The following RERE variants were observed in gnomAD, a reference collection of about 807,000 sequenced individuals.
The protein encoded by RERE is arginine-glutamic acid dipeptide repeats protein.
A neutral mutation model predicts 146.1 loss-of-function variants in RERE; 40 were observed. That is an observed-to-expected ratio of 0.27 (90% CI 0.21 to 0.36). The LOEUF is 0.36. RERE is among the 10% of genes least tolerant of loss of function. The probability of loss-of-function intolerance (pLI) is 1.00; values close to 1 mark genes in which losing one functional copy is unlikely to be tolerated. For missense variants in RERE, 1,933 were observed against 2,138.7 expected (o/e 0.90, Z 1.90); for synonymous variants, 1,003 against 866.0 (o/e 1.16, Z -2.78).
chr1:8,581,452 G>A (rs1456785958), intron 4 of RERE, among the ~76,000 whole-genome samples: 2 of 152,144 alleles, frequency 1.3e-5, no homozygotes, highest in African/African-American at 2.4e-5. Flanking sequence ...TCATAACAAT[G>A]TCTTTTGATG....
At chr1:8,458,438 C>T (rs565206663) in intron 11 of RERE, among the ~76,000 whole-genome samples, 3 of 152,168 alleles carry the variant, frequency 2.0e-5, no homozygotes, top group Non-Finnish European at 2.9e-5. Context: ...AAAAATATAC[C>T]GTCAAAAGTA....
intron 1 of RERE, among the ~76,000 whole-genome samples, chr1:8,768,363 A>C (rs1640886225): frequency 6.6e-6 from 1 of 152,240 alleles, no homozygotes; most frequent in Non-Finnish European, 1.5e-5. Context: ...AGATAATGAA[A>C]GTATCATTCA....
At chr1:8,595,788 A>T (rs980969062) in intron 4 of RERE, among the ~76,000 whole-genome samples, 5 of 152,240 alleles carry the variant, frequency 3.3e-5, no homozygotes, top group Admixed American at 3.3e-4. Flanking sequence ...ATTGGTAGAG[A>T]TATAGATATA....
intron 12 of RERE, among the ~76,000 whole-genome samples, chr1:8,415,970 T>C (rs1252020119): frequency 6.6e-6 from 1 of 152,234 alleles, no homozygotes; most frequent in African/African-American, 2.4e-5. Flanking sequence ...ATAAATGTCT[T>C]TCCTCTTACC....
chr1:8,664,336 C>A (rs940717445), intron 1 of RERE, among the ~76,000 whole-genome samples: 1 of 152,144 alleles, frequency 6.6e-6, no homozygotes, highest in Non-Finnish European at 1.5e-5. Context: ...TGTAGAAGTT[C>A]TGTTGGGGCA....
intron 10 of RERE, among the ~76,000 whole-genome samples, chr1:8,466,663 CT>C (rs910708798): frequency 6.6e-6 from 1 of 152,158 alleles, no homozygotes; most frequent in African/African-American, 2.4e-5. Flanking sequence ...AATTTAAGAG[CT>C]TTTTAAAGAA....
chr1:8,595,803 A>T (rs936328830), intron 4 of RERE, among the ~76,000 whole-genome samples: 35 of 152,318 alleles, frequency 2.3e-4, no homozygotes, highest in African/African-American at 7.0e-4. Flanking sequence ...GATATATTTT[A>T]AAAAAGGATG....
chr1:8,642,580 T>C (rs1184676554), intron 2 of RERE, among the ~76,000 whole-genome samples: 1 of 152,218 alleles, frequency 6.6e-6, no homozygotes, highest in East Asian at 1.9e-4. Context: ...AGCTTAAATG[T>C]TGAAGATATT....
Position 8,576,042 on chromosome 1 carries a change from A to G in RERE, c.523-18519T>C, listed in dbSNP as rs142797528. The stretch of plus-strand genomic sequence containing the variant: ...ACAGGGCATTGAAACAAAAGCCAAA[A>G]TGTGTACAGGGTCTGAGGATTAGAC... On this transcript the variant is annotated intron_variant, in intron 4 of 22. Transcript: ENST00000400908. Among the ~76,000 whole-genome samples, 1,342 of 152,250 alleles carry G rather than the reference A, an allele frequency of 8.8e-3. 8 individuals carry two copies. Among genetic ancestry groups the G allele is most frequent in the Non-Finnish European group, 0.014 (951 of 68,004 alleles).
chr1:8,685,796 G>C (rs1639073619), intron 1 of RERE, among the ~76,000 whole-genome samples: 1 of 152,158 alleles, frequency 6.6e-6, no homozygotes, highest in African/African-American at 2.4e-5. Flanking sequence ...GCTGGCTGAA[G>C]AAGTTAAAAA....
rs544402697 is a variant in RERE, at chr1:8,636,668, C to T, written c.326-12288G>A. ...TTCCCAGCCTCTCTAACAGCTAACT[C>T]GGTCATGCAACAAAGTCCTAGCCAT... On this transcript the variant is annotated intron_variant, in intron 2 of 22. Coordinates refer to ENST00000400908, the MANE Select transcript of RERE (RefSeq NM_001042681.2). 2.3e-4 allele frequency among the ~76,000 whole-genome samples: 35 copies of T among 152,264 alleles called. No homozygotes were observed. The East Asian group carries it at 5.8e-3, about 25-fold the overall frequency.
chr1:8,440,818 A>G (rs931673670), intron 11 of RERE, among the ~76,000 whole-genome samples: 2 of 151,216 alleles, frequency 1.3e-5, no homozygotes, highest in African/African-American at 2.4e-5. Flanking sequence ...AATCGCTTGA[A>G]CCCAGGAGGC....
intron 2 of RERE, among the ~76,000 whole-genome samples, chr1:8,645,014 T>C (rs927578255): frequency 6.6e-6 from 1 of 152,214 alleles, no homozygotes; most frequent in East Asian, 1.9e-4. Context: ...CACAGGCCCA[T>C]ACCATTTTAC....
At chr1:8,632,714 T>C (rs1647049147) in intron 2 of RERE, among the ~76,000 whole-genome samples, 1 of 152,186 alleles carries the variant, frequency 6.6e-6, no homozygotes, top group African/African-American at 2.4e-5. Context: ...CCAATTATTT[T>C]CCTGTACTTC....
chr1:8,763,000 C>T (rs117557083), intron 1 of RERE, among the ~76,000 whole-genome samples: 1 of 152,006 alleles, frequency 6.6e-6, no homozygotes, highest in East Asian at 1.9e-4. Context: ...GCATGGAAGA[C>T]TAAAAGAAGT....
chr1:8,676,460 A>G (rs1391232104), intron 1 of RERE, among the ~76,000 whole-genome samples: 1 of 151,922 alleles, frequency 6.6e-6, no homozygotes, highest in African/African-American at 2.4e-5. Context: ...TAAGTCACAT[A>G]TTTTTTTACA....
Position 8,705,155 on chromosome 1 carries a change from T to A in RERE, c.-144-48714A>T, listed in dbSNP as rs953959995. On this transcript the variant is annotated intron_variant, in intron 1 of 22. Transcript: ENST00000400908. ...CCATTTTAAAAGTGCCAGTTTATAG[T>A]GAGTTGGAAAAGGCTGGTGAGAAGA... 1.3e-5 allele frequency among the ~76,000 whole-genome samples: 2 copies of A among 152,206 alleles called. 1 individual carries two copies. The highest frequency in any genetic ancestry group is 2.9e-5 in the Non-Finnish European group (2 of 68,030).
intron 2 of RERE, among the ~76,000 whole-genome samples, chr1:8,632,275 T>C (rs751167221): frequency 7.2e-5 from 11 of 152,166 alleles, no homozygotes; most frequent in Non-Finnish European, 1.3e-4. Flanking sequence ...AACAAACAAA[T>C]TGCTCGTCTG....
Position 8,605,161 on chromosome 1 carries a change from G to A in RERE, c.522+9400C>T, listed in dbSNP as rs191738637. 4.6e-5 allele frequency among the ~76,000 whole-genome samples: 7 copies of A among 152,090 alleles called. No individual in the cohort carries two copies. The East Asian group carries it at 5.8e-4, about 13-fold the overall frequency. On this transcript the variant is annotated intron_variant, in intron 4 of 22. Coordinates refer to ENST00000400908, the MANE Select transcript of RERE (RefSeq NM_001042681.2). ...TTTTTTCTTTTTTTTCCCGCAAGACGGAGTCTCGCTCTGTCGCCCAGGTTG... is the reference window on the plus strand; with the variant it reads ...TTTTTTCTTTTTTTTCCCGCAAGACAGAGTCTCGCTCTGTCGCCCAGGTTG...
Sources: allele counts gnomAD v4.1 joint callset (sites outside exome capture counted in the v4.1 genomes callset), GRCh38; gene constraint gnomAD v4.1.1; transcripts MANE v1.5; gene names NCBI Gene and HGNC (gene_info 2026-07-23, HGNC 2026-07-21).